Variants in FGF13 observed in about 807,000 individuals in gnomAD.
The protein encoded by FGF13 is fibroblast growth factor homologous factor 2.
In FGF13, 2 loss-of-function variants were observed where a neutral mutation model predicts 19.5. The ratio of observed to expected loss-of-function variants is 0.10; its 90% CI spans 0.04 to 0.32. FGF13 has a LOEUF of 0.32. Ranked by LOEUF, FGF13 falls within the 10% of genes least tolerant of loss-of-function variation. The pLI is 1.00. For missense variants in FGF13, 113 were observed against 192.7 expected (o/e 0.59, Z 2.45); for synonymous variants, 72 against 76.9 (o/e 0.94, Z 0.33).
At chrX:139,128,882 G>T (rs1391602304) in intron 1 of FGF13, among the ~76,000 whole-genome samples, 1 of 110,603 alleles carries the variant, frequency 9.0e-6, no homozygotes, top group Non-Finnish European at 1.9e-5. Flanking sequence ...TAATGACAAT[G>T]CTGGTCAGGG....
intron 3 of FGF13, among the ~76,000 whole-genome samples, chrX:138,645,283 A>C (rs1407311386): frequency 4.5e-5 from 5 of 112,261 alleles, no homozygotes; most frequent in Non-Finnish European, 3.8e-5. Context: ...TTTTTAAAAT[A>C]AACTCAATTG....
At chrX:138,737,055 G>A (rs2090281429) in intron 1 of FGF13, among the ~76,000 whole-genome samples, 1 of 111,595 alleles carries the variant, frequency 9.0e-6, no homozygotes, top group African/African-American at 3.3e-5. Flanking sequence ...GCATAATCAT[G>A]AGAGCTTCTG....
chrX:138,935,742 A>G (rs1389095216), intron 1 of FGF13, among the ~76,000 whole-genome samples: 5 of 111,501 alleles, frequency 4.5e-5, no homozygotes, highest in Non-Finnish European at 7.5e-5. Context: ...CACTCCCACA[A>G]AGTCCCTCAT....
chrX:138,987,839 C>T (rs1235739375), intron 1 of FGF13, among the ~76,000 whole-genome samples: 2 of 111,887 alleles, frequency 1.8e-5, no homozygotes, highest in Non-Finnish European at 3.8e-5. Flanking sequence ...ACACGCTATT[C>T]ATTTGTGAGT....
At chrX:138,958,012 T>C (rs892964768) in intron 1 of FGF13, among the ~76,000 whole-genome samples, 14 of 111,914 alleles carry the variant, frequency 1.3e-4, no homozygotes, top group African/African-American at 3.6e-4. Flanking sequence ...CTGAATATGC[T>C]TTATTTCTTT....
intron 1 of FGF13, among the ~76,000 whole-genome samples, chrX:139,162,130 G>A (rs5974801): frequency 0.077 from 8,641 of 111,796 alleles, 467 homozygotes; most frequent in African/African-American, 0.19. Context: ...GAGGCATCAC[G>A]CTACCTGACT....
chrX:139,111,546 G>A (rs753480387), intron 1 of FGF13, among the ~76,000 whole-genome samples: 5 of 111,955 alleles, frequency 4.5e-5, no homozygotes, highest in Non-Finnish European at 9.4e-5. Flanking sequence ...AGAAATTTTT[G>A]ATTAAAGCAT....
chrX:138,714,086 TTCTG>T (rs2090079497), upstream of FGF13: 1 of 111,289 alleles, frequency 9.0e-6, no homozygotes, highest in Non-Finnish European at 1.9e-5. Flanking sequence ...CAAAAGATAT[TTCTG>T]TCTTTTTATA....
chrX:139,001,230 A>C (rs1285099399), intron 1 of FGF13, among the ~76,000 whole-genome samples: 2 of 111,880 alleles, frequency 1.8e-5, no homozygotes, highest in Non-Finnish European at 3.8e-5. Flanking sequence ...AACCATAAAA[A>C]CCCTAGAAGA....
At chrX:139,113,002 G>GTGTC (rs1185011497) in intron 1 of FGF13, among the ~76,000 whole-genome samples, 16 of 108,873 alleles carry the variant, frequency 1.5e-4, no homozygotes, top group Non-Finnish European at 2.9e-4. Flanking sequence ...GTGTGTGTGT[G>GTGTC]TGTGTGTGTG....
At chrX:138,931,761 G>A (rs1363192622) in intron 1 of FGF13, among the ~76,000 whole-genome samples, 2 of 112,098 alleles carry the variant, frequency 1.8e-5, no homozygotes, top group Admixed American at 9.5e-5. Context: ...AACCTCAAAT[G>A]TACTGTACTC....
At chrX:138,670,797 C>T (rs1185186322) in intron 3 of FGF13, among the ~76,000 whole-genome samples, 1 of 111,891 alleles carries the variant, frequency 8.9e-6, no homozygotes, top group Non-Finnish European at 1.9e-5. Context: ...ATGTAAACAA[C>T]TGAAACACTA....
intron 1 of FGF13, among the ~76,000 whole-genome samples, chrX:138,923,447 T>C (rs1443793878): frequency 8.9e-6 from 1 of 112,383 alleles, no homozygotes; most frequent in African/African-American, 3.2e-5. Context: ...CACTGACTTT[T>C]CTAGGTTGGT....
At chrX:138,779,707 T>C (rs1301820664) in intron 3 of FGF13, among the ~76,000 whole-genome samples, 1 of 109,733 alleles carries the variant, frequency 9.1e-6, no homozygotes, top group South Asian at 4.1e-4. Flanking sequence ...CTGAAAGTGA[T>C]GGGGAGAATG....
chrX:138,790,294 C>T (rs2090732587), intron 3 of FGF13, among the ~76,000 whole-genome samples: 1 of 108,517 alleles, frequency 9.2e-6, no homozygotes, highest in African/African-American at 3.4e-5. Context: ...GCATTAATCA[C>T]ATCACGAGGA....
At chrX:138,776,334 C>G (rs981912882) in intron 3 of FGF13, among the ~76,000 whole-genome samples, 3 of 112,408 alleles carry the variant, frequency 2.7e-5, no homozygotes, top group Non-Finnish European at 5.6e-5. Context: ...CATTGTAGAG[C>G]TTATCTTATT....
intron 1 of FGF13, among the ~76,000 whole-genome samples, chrX:138,867,831 A>ATCTG (rs1321760251): frequency 1.2e-5 from 1 of 82,825 alleles, no homozygotes; most frequent in African/African-American, 4.6e-5. Context: ...CTATCTATCT[A>ATCTG]TCATCTATCT....
At chrX:139,142,953 G>C (rs1310094033) in intron 1 of FGF13, among the ~76,000 whole-genome samples, 1 of 111,672 alleles carries the variant, frequency 9.0e-6, no homozygotes, top group Non-Finnish European at 1.9e-5. Context: ...ATCACAAAAA[G>C]AAATATTTGC....
intron 3 of FGF13, among the ~76,000 whole-genome samples, chrX:138,753,371 T>C (rs1285409428): frequency 8.9e-6 from 1 of 112,489 alleles, no homozygotes; most frequent in East Asian, 2.8e-4. Context: ...TTTATTGTAC[T>C]GGTAGAAACA....
Sources: allele counts gnomAD v4.1 joint callset (sites outside exome capture counted in the v4.1 genomes callset), GRCh38; gene constraint gnomAD v4.1.1; transcripts MANE v1.5; gene names NCBI Gene and HGNC (gene_info 2026-07-23, HGNC 2026-07-21).